The following SCARB1 variants were observed in gnomAD, a reference collection of about 807,000 sequenced individuals.
The protein encoded by SCARB1 is scavenger receptor class B member 1, also known as CD36 and LIMPII analogous 1.
In SCARB1, 30 loss-of-function variants were observed where a neutral mutation model predicts 57.2. The ratio of observed to expected loss-of-function variants is 0.52; its 90% CI spans 0.39 to 0.71. The LOEUF is 0.71. Among genes scored for constraint, SCARB1 ranks in the 30% least tolerant of loss-of-function variants. The probability of loss-of-function intolerance (pLI) is 0.00; values close to 1 mark genes in which losing one functional copy is unlikely to be tolerated. For missense variants in SCARB1, 543 were observed against 671.2 expected (o/e 0.81, Z 2.11); for synonymous variants, 249 against 268.3 (o/e 0.93, Z 0.70).
At position 124,814,822 on chromosome 12, in the gene SCARB1, GA is replaced by G; in HGVS notation, c.426+150del. 1.1e-6 allele frequency: 1 copy of G among 935,542 alleles called. No individual in the cohort carries two copies. The highest frequency in any genetic ancestry group is 1.7e-6 in the Non-Finnish European group (1 of 599,348). The allele number at this position is 935,542 out of a possible 1,614,324, so 58.0% of individuals were successfully genotyped here. A position where few individuals can be genotyped will look rare whatever the true frequency, so the allele number is the denominator to read the frequency against. ...AACTCAGAACCCACTGGGGGTGGTG[GA>G]GACAGCACAGGGCCGAAAGCCACCC... On this transcript the variant is annotated intron_variant, in intron 3 of 12. Coordinates refer to ENST00000261693, the MANE Select transcript of SCARB1 (RefSeq NM_005505.5). This position sits in a 1 kb window ranked among gnomAD's most constrained non-coding sequence, Gnocchi z 4.7.
intron 1 of SCARB1, among the ~76,000 whole-genome samples, chr12:124,820,817 A>C (rs1594297695): frequency 6.6e-6 from 1 of 152,340 alleles, no homozygotes; most frequent in East Asian, 1.9e-4. Context: ...CGTAGAGGTG[A>C]CAGGTATGTT....
At chr12:124,840,700 C>T (rs1285330399) in intron 1 of SCARB1, among the ~76,000 whole-genome samples, 2 of 152,112 alleles carry the variant, frequency 1.3e-5, no homozygotes, top group East Asian at 3.8e-4. Context: ...TTCCCTCGCA[C>T]CCCAGTCCAC....
intron 5 of SCARB1, among the ~76,000 whole-genome samples, chr12:124,811,334 C>A (rs535226788): frequency 1.8e-4 from 28 of 152,274 alleles, no homozygotes; most frequent in Non-Finnish European, 3.8e-4. Flanking sequence ...AGTGAAATTG[C>A]GTGATCTCAG....
At position 124,777,876 on chromosome 12, in the gene SCARB1, A is replaced by C. The variant is rs1872650956; in HGVS notation, c.*711T>G. The C allele has an allele frequency of 6.6e-6, 1 of 152,408 alleles. No individual in the cohort carries two copies. The highest frequency in any genetic ancestry group is 1.5e-5 in the Non-Finnish European group (1 of 68,232). 9.4% of individuals were successfully genotyped at this position (152,408 alleles called of 1,614,324 possible). A position where few individuals can be genotyped will look rare whatever the true frequency, so the allele number is the denominator to read the frequency against. On this transcript the variant is annotated 3_prime_UTR_variant, in exon 13 of 13. Coordinates refer to ENST00000261693, the MANE Select transcript of SCARB1 (RefSeq NM_005505.5). ...GGCCAGAGAGTGGCCGGCTCAGTCC[A>C]TAGGATGATGTCAGTTTAGGCTGGA...
intron 1 of SCARB1, among the ~76,000 whole-genome samples, chr12:124,860,734 T>C (rs1952865757): frequency 6.6e-6 from 1 of 152,194 alleles, no homozygotes; most frequent in African/African-American, 2.4e-5. Context: ...GGGATATCGC[T>C]GTCATTTGTG....
At position 124,801,220 on chromosome 12, in the gene SCARB1, T is replaced by A. The variant is rs545790659; in HGVS notation, c.1010-978A>T. On this transcript the variant is annotated intron_variant, in intron 7 of 12. Transcript: ENST00000261693. ...TCTCAAAAGAAAAACAATTTTTTTTTAAAAAGCTCACAAGGATCCAGACAG... is the reference window on the plus strand; with the variant it reads ...TCTCAAAAGAAAAACAATTTTTTTTAAAAAAGCTCACAAGGATCCAGACAG... 8.8e-4 allele frequency among the ~76,000 whole-genome samples: 129 copies of A among 145,772 alleles called. 2 individuals are homozygous for A. The South Asian group carries it at 0.012, about 14-fold the overall frequency.
Position 124,817,111 on chromosome 12 carries a change from C to T in SCARB1, c.284+439G>A, listed in dbSNP as rs192628542. 5.6e-5 allele frequency among the ~76,000 whole-genome samples: 8 copies of T among 142,474 alleles called. No homozygotes were observed. The highest frequency in any genetic ancestry group is 1.8e-4 in the African/African-American group (7 of 38,886). The allele number at this position is 142,474 out of a possible 152,430, so 93.5% of individuals were successfully genotyped here. On this transcript the variant is annotated intron_variant, in intron 2 of 12. Transcript: ENST00000261693. The surrounding 1 kb of genome is among the most constrained non-coding windows in gnomAD (Gnocchi z 4.8). Reference sequence around the variant, plus strand: ...GTATGTGTGTGTGTATGTGTATGTACGTGTGTATGTATGTATGTGTGTATG... The same window carrying T: ...GTATGTGTGTGTGTATGTGTATGTATGTGTGTATGTATGTATGTGTGTATG...
At chr12:124,811,339 T>C (rs908948193) in intron 5 of SCARB1, among the ~76,000 whole-genome samples, 9 of 152,228 alleles carry the variant, frequency 5.9e-5, no homozygotes, top group African/African-American at 1.9e-4. Context: ...AATTGCGTGA[T>C]CTCAGCTCAC....
rs1950996912 is a variant in SCARB1, at chr12:124,822,783, G to C, written c.127-5076C>G. On this transcript the variant is annotated intron_variant, in intron 1 of 12. Coordinates refer to ENST00000261693, the MANE Select transcript of SCARB1 (RefSeq NM_005505.5). This position sits in a 1 kb window ranked among gnomAD's most constrained non-coding sequence, Gnocchi z 5.0. ...CACACCTGTGGTCCCAGCTACTCAGGAGACTGAGCTGGGAGGATCACTTGA... is the reference window on the plus strand; with the variant it reads ...CACACCTGTGGTCCCAGCTACTCAGCAGACTGAGCTGGGAGGATCACTTGA... Among the ~76,000 whole-genome samples, 1 of 152,104 alleles carries C rather than the reference G, an allele frequency of 6.6e-6. No homozygotes were observed. The highest frequency in any genetic ancestry group is 2.1e-4 in the South Asian group (1 of 4,822).
intron 1 of SCARB1, among the ~76,000 whole-genome samples, chr12:124,831,270 C>A (rs1019800352): frequency 6.6e-6 from 1 of 152,146 alleles, no homozygotes; most frequent in Non-Finnish European, 1.5e-5. Flanking sequence ...TGAGCCACCG[C>A]GCCTGGACTG....
intron 1 of SCARB1, among the ~76,000 whole-genome samples, chr12:124,846,238 AATT>A (rs1952145110): frequency 6.6e-6 from 1 of 152,184 alleles, no homozygotes; most frequent in African/African-American, 2.4e-5. Context: ...GAACTCAATA[AATT>A]ATTAAATGAA....
chr12:124,857,955 G>A (rs1311145409), intron 1 of SCARB1, among the ~76,000 whole-genome samples: 5 of 152,182 alleles, frequency 3.3e-5, no homozygotes, highest in Non-Finnish European at 4.4e-5. Flanking sequence ...CTCTCCCCAC[G>A]TCCACCAGCT....
intron 1 of SCARB1, among the ~76,000 whole-genome samples, chr12:124,835,586 A>T (rs1277426028): frequency 6.6e-6 from 1 of 151,914 alleles, no homozygotes; most frequent in Non-Finnish European, 1.5e-5. Flanking sequence ...ATTTTTCATA[A>T]ATTTTTTTTA....
chr12:124,807,890 C>A lies in SCARB1; in HGVS notation c.880G>T (p.Glu294Ter). Residue 294 changes from glutamate (E) to a stop codon, truncating the protein, a stop_gained, in exon 7 of 13, where the codon GAA becomes TAA. Transcript: ENST00000261693. LOFTEE classifies it high-confidence loss of function. This position sits in a 1 kb window ranked among gnomAD's most constrained non-coding sequence, Gnocchi z 5.3. ...KLMYKESGVF[E>*]GIPTYRFVAP... ...ACGAAGCGATAGGTGGGGATGCCTT[C>A]AAACACCCCTGACTCCTTGTACATT... The A allele has an allele frequency of 6.2e-7, 1 of 1,614,138 alleles. No individual in the cohort carries two copies. Among genetic ancestry groups the A allele is most frequent in the Non-Finnish European group, 8.5e-7 (1 of 1,180,020 alleles).
At chr12:124,801,511 G>A (rs1325312742) in intron 7 of SCARB1, among the ~76,000 whole-genome samples, 2 of 152,198 alleles carry the variant, frequency 1.3e-5, no homozygotes, top group Admixed American at 1.3e-4. Flanking sequence ...GGCCAGGCAC[G>A]GTGGCTCATG....
intron 1 of SCARB1, among the ~76,000 whole-genome samples, chr12:124,820,262 A>G (rs1048218598): frequency 6.6e-6 from 1 of 152,112 alleles, no homozygotes; most frequent in Non-Finnish European, 1.5e-5. Context: ...GAACAGCACC[A>G]TTACTCTTTG....
chr12:124,838,728 C>G (rs1951791798), intron 1 of SCARB1, among the ~76,000 whole-genome samples: 1 of 150,494 alleles, frequency 6.6e-6, no homozygotes, highest in Non-Finnish European at 1.5e-5. Flanking sequence ...AACCCTGCCA[C>G]AGTTTTTAAT....
intron 7 of SCARB1, among the ~76,000 whole-genome samples, chr12:124,804,659 G>A (rs1403305761): frequency 6.6e-6 from 1 of 152,226 alleles, no homozygotes; most frequent in African/African-American, 2.4e-5. Context: ...AGCAGCGGGC[G>A]TCCCAGGCCC....
intron 12 of SCARB1, among the ~76,000 whole-genome samples, chr12:124,780,020 T>C (rs913877732): frequency 6.6e-6 from 1 of 152,172 alleles, no homozygotes; most frequent in Non-Finnish European, 1.5e-5. Flanking sequence ...AAACCACCCC[T>C]AGGCTGTAAA....
Sources: gnomAD v4.1 joint callset for allele counts (sites outside exome capture counted in the v4.1 genomes callset) on GRCh38, gnomAD v4.1.1 for gene constraint, Gnocchi (gnomAD v3.1) non-coding constraint, MANE v1.5 for transcripts, NCBI Gene and HGNC (gene_info 2026-07-23, HGNC 2026-07-21) for gene names.